Variants in PRDM16 observed in about 807,000 individuals in gnomAD.
PRDM16 encodes PR/SET domain 16, also known as histone-lysine N-methyltransferase PRDM16.
A neutral mutation model predicts 110.6 loss-of-function variants in PRDM16; 23 were observed. The ratio of observed to expected loss-of-function variants is 0.21; its 90% confidence interval spans 0.15 to 0.29. The LOEUF is 0.29. Ranked by LOEUF, PRDM16 falls within the 10% of genes least tolerant of loss-of-function variation. PRDM16 has a pLI of 1.00. For synonymous variants in PRDM16, 799 were observed against 781.8 expected (o/e 1.02, Z -0.37); for missense variants, 1,615 against 1,794.3 (o/e 0.90, Z 1.81).
At chr1:3,413,138 C>T (rs1643722287) in intron 9 of PRDM16, among the ~76,000 whole-genome samples, 1 of 151,310 alleles carries the variant, frequency 6.6e-6, no homozygotes, top group African/African-American at 2.4e-5. Flanking sequence ...ACCCCCCACC[C>T]CAACCCACAC....
rs1403299494 is a variant in PRDM16, at chr1:3,238,984, C to T, written c.388-5103C>T. 3.9e-5 allele frequency among the ~76,000 whole-genome samples: 6 copies of T among 152,350 alleles called. No individual in the cohort carries two copies. In the South Asian group the frequency reaches 6.2e-4, roughly 16 times the overall value. On this transcript the variant is annotated intron_variant, in intron 2 of 16. Coordinates refer to ENST00000270722, the MANE Select transcript of PRDM16 (RefSeq NM_022114.4). ...CATGTGGTTGTGAGGAGGAGGTCCGCGTCTGCGGTGCCTGGGACAGGCCCC... is the reference window on the plus strand; with the variant it reads ...CATGTGGTTGTGAGGAGGAGGTCCGTGTCTGCGGTGCCTGGGACAGGCCCC...
chr1:3,131,208 T>G (rs914232861), intron 1 of PRDM16, among the ~76,000 whole-genome samples: 1 of 152,188 alleles, frequency 6.6e-6, no homozygotes, highest in African/African-American at 2.4e-5. Context: ...AAAGCAAGAC[T>G]CCCTCTCTCT....
At chr1:3,320,124 C>T (rs1377398068) in intron 3 of PRDM16, among the ~76,000 whole-genome samples, 2 of 152,170 alleles carry the variant, frequency 1.3e-5, no homozygotes, top group East Asian at 1.9e-4. Context: ...TGTACACCTA[C>T]GCCTGCCCTC....
Position 3,345,876 on chromosome 1 carries a change from T to C in PRDM16, c.439-39276T>C, listed in dbSNP as rs1465719730. Among the ~76,000 whole-genome samples, 3 of 151,526 alleles carry C rather than the reference T, an allele frequency of 2.0e-5. No individual in the cohort carries two copies. The East Asian group carries it at 5.9e-4, about 30-fold the overall frequency. On this transcript the variant is annotated intron_variant, in intron 3 of 16. Transcript: ENST00000270722. The stretch of plus-strand genomic sequence containing the variant: ...AGCCGAGGGTTTTTCTTGGCAGCTG[T>C]CTCACTCCACCCAGAGCTACACAGT...
chr1:3,154,366 C>T (rs1052193554), intron 1 of PRDM16, among the ~76,000 whole-genome samples: 1 of 152,212 alleles, frequency 6.6e-6, no homozygotes, highest in Admixed American at 6.5e-5. Context: ...ACGGAGCTGC[C>T]TGTCGCTGTG....
chr1:3,208,664 C>CA lies in PRDM16; in HGVS notation c.387+22204dup, dbSNP rs572422055. The CA allele has an allele frequency of 0.034, 3,459 of 102,628 alleles. 102 individuals carry two copies. Among genetic ancestry groups the CA allele is most frequent in the African/African-American group, 0.11 (2,936 of 26,734 alleles). The allele number at this position is 102,628 out of a possible 1,614,324, so 6.4% of individuals were successfully genotyped here. A position where few individuals can be genotyped will look rare whatever the true frequency, so the allele number is the denominator to read the frequency against. ...CTGGTGACAGAGCAAGACTCCGTCT[C>CA]AAAAAAAAAAAAAAGAAAAGAAAAG... On this transcript the variant is annotated intron_variant, in intron 2 of 16. Coordinates refer to ENST00000270722, the MANE Select transcript of PRDM16 (RefSeq NM_022114.4). The surrounding 1 kb of genome is among the most constrained non-coding windows in gnomAD (Gnocchi z 6.1).
chr1:3,335,031 C>A (rs1241134345), intron 3 of PRDM16, among the ~76,000 whole-genome samples: 1 of 152,238 alleles, frequency 6.6e-6, no homozygotes, highest in Admixed American at 6.5e-5. Context: ...CCCGCCATGT[C>A]AAGGGCACAG....
chr1:3,418,415 C>T (rs1052096204), intron 11 of PRDM16, among the ~76,000 whole-genome samples: 1 of 152,150 alleles, frequency 6.6e-6, no homozygotes, highest in African/African-American at 2.4e-5. Context: ...CCCTGTTCAC[C>T]GCCAGACTGA....
chr1:3,180,836 C>T (rs532079287), intron 1 of PRDM16, among the ~76,000 whole-genome samples: 1 of 152,122 alleles, frequency 6.6e-6, no homozygotes, highest in African/African-American at 2.4e-5. Context: ...CAACAGGGCC[C>T]TCTGCTTACA....
chr1:3,176,316 A>G (rs1242596886), intron 1 of PRDM16, among the ~76,000 whole-genome samples: 2 of 151,658 alleles, frequency 1.3e-5, no homozygotes, highest in Admixed American at 6.6e-5. Flanking sequence ...ACATCCATCT[A>G]TTCTTCCATC....
chr1:3,389,610 G>C (rs144377656), intron 4 of PRDM16, among the ~76,000 whole-genome samples: 2 of 152,180 alleles, frequency 1.3e-5, no homozygotes, highest in East Asian at 3.9e-4. Context: ...TCCTGGGCCC[G>C]GCCCTGTTGC....
At chr1:3,368,231 C>G (rs560931051) in intron 3 of PRDM16, among the ~76,000 whole-genome samples, 1 of 152,334 alleles carries the variant, frequency 6.6e-6, no homozygotes, top group African/African-American at 2.4e-5. Context: ...GGAGGCAGTC[C>G]CGACAGATGC....
chr1:3,330,378 G>A (rs757558871), intron 3 of PRDM16, among the ~76,000 whole-genome samples: 8 of 152,180 alleles, frequency 5.3e-5, no homozygotes, highest in Non-Finnish European at 8.8e-5. Flanking sequence ...CAAGGCGTCC[G>A]CTCAAGGCCT....
chr1:3,239,661 G>A (rs1439235273), intron 2 of PRDM16, among the ~76,000 whole-genome samples: 1 of 152,186 alleles, frequency 6.6e-6, no homozygotes, highest in Non-Finnish European at 1.5e-5. Flanking sequence ...AAGAAAAGTA[G>A]GTTAGAACCA....
chr1:3,361,883 G>C (rs1225672308), intron 3 of PRDM16, among the ~76,000 whole-genome samples: 1 of 151,488 alleles, frequency 6.6e-6, no homozygotes, highest in Non-Finnish European at 1.5e-5. Context: ...AGGGAGGGCA[G>C]GTGGTGAGAA....
chr1:3,296,558 G>A (rs1252296821), intron 3 of PRDM16, among the ~76,000 whole-genome samples: 1 of 152,232 alleles, frequency 6.6e-6, no homozygotes, highest in Admixed American at 6.5e-5. Context: ...GGCCAAGAGG[G>A]AGCCAGGAGT....
intron 3 of PRDM16, among the ~76,000 whole-genome samples, chr1:3,323,547 C>T (rs921996054): frequency 1.3e-5 from 2 of 152,310 alleles, no homozygotes; most frequent in Middle Eastern, 3.4e-3. Flanking sequence ...GGAGGAAGTC[C>T]GTGAGGATCA....
At chr1:3,321,538 A>T (rs1368246692) in intron 3 of PRDM16, among the ~76,000 whole-genome samples, 2 of 123,770 alleles carry the variant, frequency 1.6e-5, no homozygotes, top group South Asian at 2.3e-4. Flanking sequence ...GTGTGTGTGT[A>T]TGTACGTTTG....
At chr1:3,077,485 C>T (rs548547158) in intron 1 of PRDM16, among the ~76,000 whole-genome samples, 3 of 152,346 alleles carry the variant, frequency 2.0e-5, no homozygotes, top group East Asian at 1.9e-4. Flanking sequence ...GATGTGTGCA[C>T]TCGTGTGAAC....
Sources: allele counts gnomAD v4.1 joint callset (sites outside exome capture counted in the v4.1 genomes callset), GRCh38; gene constraint gnomAD v4.1.1; non-coding constraint Gnocchi (gnomAD v3.1); transcripts MANE v1.5; gene names NCBI Gene and HGNC (gene_info 2026-07-23, HGNC 2026-07-21).